The following C10orf67 variants were observed in gnomAD, a reference collection of about 807,000 sequenced individuals.
C10orf67 encodes uncharacterized protein C10orf67, mitochondrial.
In C10orf67, 60 loss-of-function variants were observed where a neutral mutation model predicts 35.6. The ratio of observed to expected loss-of-function variants is 1.68; its 90% confidence interval spans 1.37 to 2.09. The LOEUF is 2.09. C10orf67 is among the 30% of genes most tolerant of loss of function. C10orf67 has a pLI of 0.00. For missense variants in C10orf67, 474 were observed against 330.2 expected (o/e 1.44, Z -3.38); for synonymous variants, 167 against 115.8 (o/e 1.44, Z -2.84).
At chr10:23,225,884 C>T (rs529449180) in intron 13 of C10orf67, among the ~76,000 whole-genome samples, 2 of 151,522 alleles carry the variant, frequency 1.3e-5, no homozygotes, top group South Asian at 2.2e-4. Context: ...TCCTTAGAGA[C>T]CTACAAAGAG....
intron 8 of C10orf67, 94 bp downstream of exon 8, chr10:23,281,919 C>A: frequency 2.2e-6 from 1 of 460,030 alleles, no homozygotes; most frequent in South Asian, 4.5e-5. Context: ...GAGTCATTCA[C>A]AGGAAACAAT....
chr10:23,320,366 C>T (rs115066547), intron 4 of C10orf67, among the ~76,000 whole-genome samples: 2,260 of 152,246 alleles, frequency 0.015, 53 homozygotes, highest in African/African-American at 0.052. Context: ...AGAAATGTCC[C>T]TGTCATTAGA....
intron 12 of C10orf67, among the ~76,000 whole-genome samples, chr10:23,240,747 C>T (rs989817514): frequency 1.3e-5 from 2 of 152,186 alleles, no homozygotes; most frequent in Admixed American, 6.5e-5. Context: ...TGTGACATCC[C>T]TTCAGCCATC....
rs1564471734 is a variant in C10orf67 at position 23,250,466 on chromosome 10, A to T, written c.1335T>A (p.Ile445=). 1 of 398,598 alleles carries T rather than the reference A, an allele frequency of 2.5e-6. No individual in the cohort carries two copies. The highest frequency in any genetic ancestry group is 3.6e-5 in the East Asian group (1 of 27,952). 24.7% of individuals were successfully genotyped at this position (398,598 alleles called of 1,614,324 possible). Residue 445 remains isoleucine (I), a synonymous_variant, in exon 12 of 16, where the codon ATT becomes ATA. Coordinates refer to ENST00000636213, the MANE Select transcript of C10orf67 (RefSeq NM_001371909.1). ...ATTTCACACCATACCTGTTCCTGAG[A>T]ATAAAGAATCTCTTTTCCCAGCTTT... ...LNKSWEKRFF[I]LRNSFHVLKN...
chr10:23,247,469 G>A (rs1169749749), intron 12 of C10orf67, among the ~76,000 whole-genome samples: 1 of 152,228 alleles, frequency 6.6e-6, no homozygotes, highest in Non-Finnish European at 1.5e-5. Flanking sequence ...CTAGGTGTGT[G>A]GTAGGCTATG....
At chr10:23,266,657 A>T (rs1357740790) in intron 9 of C10orf67, among the ~76,000 whole-genome samples, 1 of 151,942 alleles carries the variant, frequency 6.6e-6, no homozygotes, top group African/African-American at 2.4e-5. Context: ...ATGTCCTAAG[A>T]ACACACCAAC....
At chr10:23,292,660 T>C (rs1843754809) in intron 5 of C10orf67, among the ~76,000 whole-genome samples, 1 of 152,222 alleles carries the variant, frequency 6.6e-6, no homozygotes, top group South Asian at 2.1e-4. Context: ...TTTAAATTTT[T>C]TGTAGTACAT....
chr10:23,213,393 T>C (rs770916769), intron 15 of C10orf67, among the ~76,000 whole-genome samples: 3 of 152,332 alleles, frequency 2.0e-5, no homozygotes, highest in Middle Eastern at 3.4e-3. Context: ...AAATACATCA[T>C]TGAATACATT....
intron 4 of C10orf67, among the ~76,000 whole-genome samples, chr10:23,319,271 C>T (rs961244049): frequency 6.6e-6 from 1 of 151,266 alleles, no homozygotes; most frequent in Middle Eastern, 3.2e-3. Flanking sequence ...GTTTTCTGTT[C>T]CAATATTAAT....
At chr10:23,312,504 G>A (rs1442547812) in intron 4 of C10orf67, among the ~76,000 whole-genome samples, 1 of 152,094 alleles carries the variant, frequency 6.6e-6, no homozygotes, top group Non-Finnish European at 1.5e-5. Flanking sequence ...AAAAGCCCTG[G>A]TTTCTTTTAG....
chr10:23,321,537 G>C (rs577822413), intron 3 of C10orf67, among the ~76,000 whole-genome samples: 308 of 152,252 alleles, frequency 2.0e-3, no homozygotes, highest in Non-Finnish European at 3.7e-3. Flanking sequence ...GAGTCAGATG[G>C]TATTGAATTT....
chr10:23,319,592 C>T (rs1844866115), intron 4 of C10orf67, among the ~76,000 whole-genome samples: 1 of 152,206 alleles, frequency 6.6e-6, no homozygotes, highest in South Asian at 2.1e-4. Context: ...GACTGCTTTC[C>T]ACAGTGGCTG....
intron 13 of C10orf67, among the ~76,000 whole-genome samples, chr10:23,224,347 G>T (rs932180049): frequency 6.6e-6 from 1 of 152,136 alleles, no homozygotes; most frequent in African/African-American, 2.4e-5. Flanking sequence ...CGAACAAACA[G>T]AAAGGACATC....
intron 1 of C10orf67, among the ~76,000 whole-genome samples, chr10:23,339,682 G>A (rs906354197): frequency 2.6e-5 from 4 of 152,196 alleles, no homozygotes; most frequent in African/African-American, 9.7e-5. Context: ...CTCTTCCTCA[G>A]ACCTGGAGGT....
At chr10:23,223,516 G>T in intron 15 of C10orf67, 82 bp downstream of exon 15, 4 of 707,086 alleles carry the variant, frequency 5.7e-6, no homozygotes, top group East Asian at 2.7e-5. Flanking sequence ...AAATACCTCA[G>T]GGTAAAAAAG....
In C10orf67 at chr10:23,323,968, T is replaced by C. The variant is rs570128942; in HGVS notation, c.328-1431A>G. On this transcript the variant is annotated intron_variant, in intron 2 of 15. Coordinates refer to ENST00000636213, the MANE Select transcript of C10orf67 (RefSeq NM_001371909.1). ...ATATATATATACACACACACACACA[T>C]ATGAGTTAAAATGCTTCCAACTTCA... 1.0e-3 allele frequency among the ~76,000 whole-genome samples: 86 copies of C among 84,492 alleles called. 4 individuals carry two copies. Among genetic ancestry groups the C allele is most frequent in the Middle Eastern group, 6.0e-3 (1 of 166 alleles). 55.4% of individuals were successfully genotyped at this position (84,492 alleles called of 152,430 possible). A position where few individuals can be genotyped will look rare whatever the true frequency, so the allele number is the denominator to read the frequency against.
In C10orf67 at chr10:23,344,651, C is replaced by T; in HGVS notation, c.124G>A (p.Ala42Thr). The T allele has an allele frequency of 6.3e-7, 1 of 1,580,796 alleles. No homozygotes were observed. Among genetic ancestry groups the T allele is most frequent in the East Asian group, 2.3e-5 (1 of 42,892 alleles). The change falls in exon 1 of 16, where the codon GCC (alanine) becomes ACC (threonine). Residue 42 changes from alanine (A) to threonine (T), a missense_variant. Transcript: ENST00000636213. ...GTRWEAMKAK[A>T]TELRVCCARR... ...GCGCAGCAGACCCGCAGCTCGGTGG[C>T]CTTGGCTTTCATGGCCTCCCAGCGT...
At chr10:23,290,233 T>C (rs1009528630) in intron 6 of C10orf67, among the ~76,000 whole-genome samples, 1 of 152,224 alleles carries the variant, frequency 6.6e-6, no homozygotes, top group Non-Finnish European at 1.5e-5. Flanking sequence ...ACATTTTTGC[T>C]GTTGGTCACA....
intron 13 of C10orf67, among the ~76,000 whole-genome samples, chr10:23,237,844 A>G (rs1842088372): frequency 6.6e-6 from 1 of 152,228 alleles, no homozygotes; most frequent in South Asian, 2.1e-4. Context: ...GAAATGCTCA[A>G]TGCCTTGACT....
Sources: gnomAD v4.1 joint callset for allele counts (sites outside exome capture counted in the v4.1 genomes callset) on GRCh38, gnomAD v4.1.1 for gene constraint, MANE v1.5 for transcripts, NCBI Gene and HGNC (gene_info 2026-07-23, HGNC 2026-07-21) for gene names.